ANAPC10: variants seen among roughly 807,000 people sequenced by gnomAD.
ANAPC10 encodes the protein anaphase-promoting complex subunit 10.
In ANAPC10, 12 loss-of-function variants were observed where a neutral mutation model predicts 22.0. That is an observed-to-expected ratio of 0.55 (90% CI 0.35 to 0.88). ANAPC10 has a LOEUF of 0.88. Ranked by LOEUF, ANAPC10 falls within the 40% of genes least tolerant of loss-of-function variation. The pLI is 0.01. For synonymous variants in ANAPC10, 65 were observed against 69.5 expected (o/e 0.94, Z 0.32); for missense variants, 188 against 220.9 (o/e 0.85, Z 0.94).
At chr4:145,013,637 T>C (rs908874906) in intron 4 of ANAPC10, among the ~76,000 whole-genome samples, 1 of 152,082 alleles carries the variant, frequency 6.6e-6, no homozygotes, top group Non-Finnish European at 1.5e-5. Flanking sequence ...TGGAGGCTCA[T>C]ATCGTGAATT....
Position 145,093,579 on chromosome 4 carries a change from C to A in ANAPC10, c.115+2406G>T, listed in dbSNP as rs12508300. ...TGAGTAAGATGTTAAAAAAAAAAAA[C>A]AAAAACCTAGAAAGGTAGATGAAAT... On this transcript the variant is annotated intron_variant, in intron 2 of 4. Coordinates refer to ENST00000507656, the MANE Select transcript of ANAPC10 (RefSeq NM_001256706.2). Among the ~76,000 whole-genome samples the A allele has an allele frequency of 4.5e-3, 634 of 141,588 alleles. 5 individuals carry two copies. Among genetic ancestry groups the A allele is most frequent in the African/African-American group, 0.012 (467 of 38,510 alleles). The allele number at this position is 141,588 out of a possible 152,430, so 92.9% of individuals were successfully genotyped here.
chr4:145,054,786 T>A (rs754111989), intron 4 of ANAPC10, among the ~76,000 whole-genome samples: 1 of 151,992 alleles, frequency 6.6e-6, no homozygotes, highest in Non-Finnish European at 1.5e-5. Flanking sequence ...ATGAAGACTA[T>A]AAGAGACCCC....
intron 3 of ANAPC10, among the ~76,000 whole-genome samples, chr4:145,075,876 C>A (rs1745125056): frequency 1.3e-5 from 2 of 152,170 alleles, no homozygotes; most frequent in African/African-American, 4.8e-5. Flanking sequence ...TCCCTTAAGG[C>A]TTGTCATGTA....
chr4:145,026,143 C>T (rs1736623936), intron 4 of ANAPC10, among the ~76,000 whole-genome samples: 2 of 152,150 alleles, frequency 1.3e-5, no homozygotes, highest in Non-Finnish European at 2.9e-5. Flanking sequence ...CCATCCCTTG[C>T]CACGTGCCCC....
chr4:145,072,578 G>C (rs1744641217), intron 3 of ANAPC10, among the ~76,000 whole-genome samples: 1 of 152,120 alleles, frequency 6.6e-6, no homozygotes, highest in African/African-American at 2.4e-5. Flanking sequence ...TCAAATGGAA[G>C]AAAGCTGAAC....
At chr4:145,012,330 T>G (rs1734474990) in intron 4 of ANAPC10, among the ~76,000 whole-genome samples, 1 of 151,772 alleles carries the variant, frequency 6.6e-6, no homozygotes, top group Non-Finnish European at 1.5e-5. Context: ...ATACACAAGG[T>G]TGTTAAGAAG....
chr4:145,002,925 A>G (rs1732789021), intron 4 of ANAPC10, among the ~76,000 whole-genome samples: 1 of 152,146 alleles, frequency 6.6e-6, no homozygotes, highest in South Asian at 2.1e-4. Flanking sequence ...GGTAAATTGC[A>G]TATCATGAGG....
At chr4:145,058,818 A>G (rs1742451764) in intron 4 of ANAPC10, among the ~76,000 whole-genome samples, 1 of 152,192 alleles carries the variant, frequency 6.6e-6, no homozygotes, top group Non-Finnish European at 1.5e-5. Context: ...CATTTTGGAA[A>G]TAAGTGATGC....
chr4:145,082,071 GAA>G (rs1483832567), intron 2 of ANAPC10, among the ~76,000 whole-genome samples: 1 of 152,120 alleles, frequency 6.6e-6, no homozygotes, highest in Admixed American at 6.6e-5. Context: ...TCTTATTAGA[GAA>G]ATATCACTTG....
At chr4:145,012,398 T>C (rs1263512832) in intron 4 of ANAPC10, among the ~76,000 whole-genome samples, 1 of 151,832 alleles carries the variant, frequency 6.6e-6, no homozygotes, top group Non-Finnish European at 1.5e-5. Context: ...ATGACTATGA[T>C]TAACATGCTT....
intron 3 of ANAPC10, among the ~76,000 whole-genome samples, chr4:145,075,898 CT>C (rs953762353): frequency 6.6e-6 from 1 of 152,180 alleles, no homozygotes; most frequent in Non-Finnish European, 1.5e-5. Context: ...CTCTAGGTGG[CT>C]TTGGCCTTTG....
intron 4 of ANAPC10, among the ~76,000 whole-genome samples, chr4:145,046,805 T>C (rs1050869089): frequency 2.6e-5 from 4 of 152,098 alleles, no homozygotes; most frequent in Non-Finnish European, 4.4e-5. Flanking sequence ...AAAAAACACT[T>C]CATGCTTAGA....
chr4:145,060,649 C>T (rs763041765), intron 4 of ANAPC10, among the ~76,000 whole-genome samples: 1 of 151,754 alleles, frequency 6.6e-6, no homozygotes, highest in Non-Finnish European at 1.5e-5. Flanking sequence ...CAAACATCCA[C>T]GGAAAAATAA....
chr4:145,032,088 G>A (rs1052808045), intron 4 of ANAPC10, among the ~76,000 whole-genome samples: 15 of 152,276 alleles, frequency 9.9e-5, no homozygotes, highest in Non-Finnish European at 2.1e-4. Flanking sequence ...AGCCTGCACC[G>A]ATGGCCTCAT....
intron 4 of ANAPC10, among the ~76,000 whole-genome samples, chr4:145,045,201 C>G (rs140487581): frequency 2.6e-3 from 388 of 152,148 alleles, no homozygotes; most frequent in Non-Finnish European, 4.3e-3. Context: ...TTTGCATTAA[C>G]TGACTGTTTA....
intron 4 of ANAPC10, chr4:145,053,825 A>G: frequency 1.7e-6 from 1 of 592,668 alleles, no homozygotes; most frequent in Non-Finnish European, 3.0e-6. Flanking sequence ...CTCTATTAAG[A>G]TATACTTTTA....
intron 2 of ANAPC10, among the ~76,000 whole-genome samples, chr4:145,089,357 A>G (rs1314554528): frequency 6.6e-6 from 1 of 152,210 alleles, no homozygotes; most frequent in Non-Finnish European, 1.5e-5. Context: ...AGATGTTCAC[A>G]AAATACAGCC....
chr4:145,087,142 G>A (rs191850557), intron 2 of ANAPC10, among the ~76,000 whole-genome samples: 50 of 152,066 alleles, frequency 3.3e-4, no homozygotes, highest in Non-Finnish European at 5.1e-4. Context: ...GCCTAAAGCC[G>A]AGCCATCACC....
At chr4:145,062,107 T>G (rs1742982838) in intron 4 of ANAPC10, among the ~76,000 whole-genome samples, 1 of 151,492 alleles carries the variant, frequency 6.6e-6, no homozygotes, top group Non-Finnish European at 1.5e-5. Context: ...TTTAAAATAT[T>G]CTGAATTTAA....
Sources: allele counts gnomAD v4.1 joint callset (sites outside exome capture counted in the v4.1 genomes callset), GRCh38; gene constraint gnomAD v4.1.1; transcripts MANE v1.5; gene names NCBI Gene and HGNC (gene_info 2026-07-23, HGNC 2026-07-21).